The following PCDHGA6 variants were observed in gnomAD, a reference collection of about 807,000 sequenced individuals.
The protein encoded by PCDHGA6 is protocadherin gamma subfamily A, 6, also known as protocadherin gamma-A6.
PCDHGA6 carries 41 observed loss-of-function variants against 60.6 expected under a neutral mutation model. The ratio of observed to expected loss-of-function variants is 0.68; its 90% CI spans 0.53 to 0.88. The LOEUF (loss-of-function observed/expected upper bound fraction) is 0.88, where lower values mean the gene tolerates loss of function less well. PCDHGA6 is among the 40% of genes least tolerant of loss of function. PCDHGA6 has a pLI of 0.00. For synonymous variants in PCDHGA6, 594 were observed against 524.4 expected (o/e 1.13, Z -1.81); for missense variants, 1,312 against 1,203.0 (o/e 1.09, Z -1.34).
intron 1 of PCDHGA6, chr5:141,402,878 G>A: frequency 1.4e-6 from 2 of 1,471,050 alleles, no homozygotes; most frequent in Non-Finnish European, 1.8e-6. Context: ...ACCATACTTT[G>A]CAGGGTGGAA....
Position 141,491,743 on chromosome 5 carries a change from A to G in PCDHGA6, c.2425-3064A>G, listed in dbSNP as rs752434173. ...GCCCCGGGCGACCCCTGGGGGCGGC[A>G]CTGGAGAAGCCGCCCGTCCTCATAA... On this transcript the variant is annotated intron_variant, in intron 1 of 3. Transcript: ENST00000517434. The surrounding 1 kb of genome is among the most constrained non-coding windows in gnomAD (Gnocchi z 6.9). 5.0e-6 allele frequency: 8 copies of G among 1,595,570 alleles called. No individual in the cohort carries two copies. In the Admixed American group the frequency reaches 1.4e-4, roughly 28 times the overall value.
intron 1 of PCDHGA6, chr5:141,399,438 T>C (rs2093809569): frequency 1.2e-6 from 2 of 1,613,996 alleles, no homozygotes; most frequent in Admixed American, 1.7e-5. Flanking sequence ...TCATCCTACA[T>C]ATCAGAGACG....
intron 1 of PCDHGA6, among the ~76,000 whole-genome samples, chr5:141,481,031 C>G (rs926205148): frequency 1.3e-5 from 2 of 152,108 alleles, no homozygotes; most frequent in Non-Finnish European, 2.9e-5. Flanking sequence ...GCACTCCAGC[C>G]TGGGCGACAG....
intron 1 of PCDHGA6, among the ~76,000 whole-genome samples, chr5:141,397,616 T>G (rs918214976): frequency 2.0e-5 from 3 of 152,194 alleles, no homozygotes; most frequent in Non-Finnish European, 4.4e-5. Context: ...AGGGCAATAC[T>G]TAGTTCTAGC....
intron 2 of PCDHGA6, among the ~76,000 whole-genome samples, chr5:141,502,857 ACT>A (rs1332453483): frequency 7.7e-5 from 7 of 91,446 alleles, no homozygotes; most frequent in African/African-American, 4.1e-4. Flanking sequence ...CCTAACCCTG[ACT>A]CTCTGTCTTT....
intron 1 of PCDHGA6, among the ~76,000 whole-genome samples, chr5:141,434,049 A>G (rs868088310): frequency 2.0e-5 from 3 of 152,116 alleles, no homozygotes; most frequent in Non-Finnish European, 2.9e-5. Flanking sequence ...ATTTTATTCA[A>G]TGGCCTGTAA....
intron 1 of PCDHGA6, among the ~76,000 whole-genome samples, chr5:141,482,633 G>T (rs1218163238): frequency 2.0e-5 from 3 of 151,784 alleles, no homozygotes; most frequent in Non-Finnish European, 2.9e-5. Flanking sequence ...AGGAAGAAAT[G>T]ATAGAGGTGG....
chr5:141,451,497 G>T (rs2098717489), intron 1 of PCDHGA6, among the ~76,000 whole-genome samples: 1 of 152,214 alleles, frequency 6.6e-6, no homozygotes, highest in Admixed American at 6.5e-5. Flanking sequence ...CCTCCATAGG[G>T]CAACCAGCTT....
chr5:141,432,053 C>T lies in PCDHGA6; in HGVS notation c.2424+55546C>T. The T allele has an allele frequency of 6.2e-7, 1 of 1,614,240 alleles. No homozygotes were observed. Among genetic ancestry groups the T allele is most frequent in the South Asian group, 1.1e-5 (1 of 91,082 alleles). ...CGCCACTGACCGGGGAACCCCGCCC[C>T]TATCCACGGAAACTCATATCTCGCT... On this transcript the variant is annotated intron_variant, in intron 1 of 3. Transcript: ENST00000517434. The surrounding 1 kb of genome is among the most constrained non-coding windows in gnomAD (Gnocchi z 6.0).
chr5:141,476,023 G>T lies in PCDHGA6; in HGVS notation c.2425-18784G>T. On this transcript the variant is annotated intron_variant, in intron 1 of 3. Coordinates refer to ENST00000517434, the MANE Select transcript of PCDHGA6 (RefSeq NM_018919.3). The surrounding 1 kb of genome is among the most constrained non-coding windows in gnomAD (Gnocchi z 7.6). Reference sequence around the variant, plus strand: ...CATCCAGAAAGCCATGTCGGACTCGGCGCCCAGCGCCCAAGCGCTAACCCG... The same window carrying T: ...CATCCAGAAAGCCATGTCGGACTCGTCGCCCAGCGCCCAAGCGCTAACCCG... The T allele has an allele frequency of 7.1e-7, 1 of 1,415,690 alleles. No individual in the cohort carries two copies. Among genetic ancestry groups the T allele is most frequent in the Non-Finnish European group, 9.5e-7 (1 of 1,057,324 alleles). 87.7% of individuals were successfully genotyped at this position (1,415,690 alleles called of 1,614,324 possible).
rs1384951887 is a variant in PCDHGA6, at chr5:141,465,860, T to C, written c.2425-28947T>C. ...AACTGAGGCTGGGCCCAGTGGCTCA[T>C]GCCTGTAATCCCAGCACTTTGGGAG... On this transcript the variant is annotated intron_variant, in intron 1 of 3. Coordinates refer to ENST00000517434, the MANE Select transcript of PCDHGA6 (RefSeq NM_018919.3). Among the ~76,000 whole-genome samples the C allele has an allele frequency of 2.0e-5, 3 of 152,114 alleles. No individual in the cohort carries two copies. The South Asian group carries it at 6.2e-4, about 32-fold the overall frequency.
At chr5:141,405,156 T>C in intron 1 of PCDHGA6, 1 of 1,614,042 alleles carries the variant, frequency 6.2e-7, no homozygotes, top group Non-Finnish European at 8.5e-7. Flanking sequence ...TTGGCTGGTG[T>C]GCCCACCTCA....
At chr5:141,408,797 C>T (rs965305130) in intron 1 of PCDHGA6, 1 of 1,612,958 alleles carries the variant, frequency 6.2e-7, no homozygotes, top group African/African-American at 1.3e-5. Flanking sequence ...TCTGGAGAAA[C>T]TCCTAGACCG....
intron 1 of PCDHGA6, chr5:141,394,006 T>C (rs753433160): frequency 3.1e-6 from 5 of 1,613,358 alleles, no homozygotes; most frequent in Non-Finnish European, 3.4e-6. Context: ...GAAAAGTCAA[T>C]AGGTAATTAT....
Position 141,493,701 on chromosome 5 carries a change from C to G in PCDHGA6, c.2425-1106C>G, listed in dbSNP as rs2099749680. 6.6e-6 allele frequency among the ~76,000 whole-genome samples: 1 copy of G among 152,172 alleles called. No homozygotes were observed. Among genetic ancestry groups the G allele is most frequent in the Admixed American group, 6.5e-5 (1 of 15,286 alleles). On this transcript the variant is annotated intron_variant, in intron 1 of 3. Coordinates refer to ENST00000517434, the MANE Select transcript of PCDHGA6 (RefSeq NM_018919.3). This position sits in a 1 kb window ranked among gnomAD's most constrained non-coding sequence, Gnocchi z 4.3. Reference sequence around the variant, plus strand: ...ATGGTGCTGGTGACTCCCGATACACCTGGAATGCTAGGTTTCTGGGTTCTG... The same window carrying G: ...ATGGTGCTGGTGACTCCCGATACACGTGGAATGCTAGGTTTCTGGGTTCTG...
intron 1 of PCDHGA6, chr5:141,384,713 C>CA: frequency 6.2e-7 from 1 of 1,614,104 alleles, no homozygotes; most frequent in Non-Finnish European, 8.5e-7. Context: ...GCCTGGCTGT[C>CA]ATACCTCCTG....
chr5:141,423,756 GGGGGTGGGGC>G, intron 1 of PCDHGA6: 1 of 448,620 alleles, frequency 2.2e-6, no homozygotes, highest in Non-Finnish European at 3.0e-6. Context: ...TGTTTGGGGG[GGGGGTGGGGC>G]GGCATATATT....
intron 1 of PCDHGA6, chr5:141,478,480 G>C (rs1444434721): frequency 1.9e-6 from 3 of 1,613,564 alleles, no homozygotes; most frequent in South Asian, 2.2e-5. Flanking sequence ...GCCAGAACAC[G>C]CTGCGGAGCT....
At chr5:141,404,112 A>G (rs372014000) in intron 1 of PCDHGA6, 3 of 1,613,380 alleles carry the variant, frequency 1.9e-6, no homozygotes, top group Non-Finnish European at 2.5e-6. Context: ...TGTTCTATCC[A>G]GGAGAATCTA....
Sources: gnomAD v4.1 joint callset for allele counts (sites outside exome capture counted in the v4.1 genomes callset) on GRCh38, gnomAD v4.1.1 for gene constraint, Gnocchi (gnomAD v3.1) non-coding constraint, MANE v1.5 for transcripts, NCBI Gene and HGNC (gene_info 2026-07-23, HGNC 2026-07-21) for gene names.